TRAK1: variants seen among roughly 807,000 people sequenced by gnomAD.
TRAK1 encodes the protein trafficking kinesin-binding protein 1.
TRAK1 carries 33 observed loss-of-function variants against 92.1 expected under a neutral mutation model. That is an observed-to-expected ratio of 0.36 (90% CI 0.27 to 0.48). TRAK1 has a LOEUF of 0.48. Ranked by LOEUF, TRAK1 falls within the 20% of genes least tolerant of loss-of-function variation. The pLI is 0.99. For synonymous variants in TRAK1, 521 were observed against 517.3 expected (o/e 1.01, Z -0.10); for missense variants, 1,123 against 1,257.9 (o/e 0.89, Z 1.62).
At chr3:42,065,714 C>T (rs1043925385) in intron 1 of TRAK1, among the ~76,000 whole-genome samples, 33 of 152,044 alleles carry the variant, frequency 2.2e-4, no homozygotes, top group African/African-American at 7.5e-4. Context: ...ACTACAGCCT[C>T]GACCTCCTGG....
chr3:42,161,752 G>T (rs1227395695), intron 2 of TRAK1, among the ~76,000 whole-genome samples: 5 of 152,224 alleles, frequency 3.3e-5, no homozygotes, highest in Admixed American at 6.5e-5. Context: ...GAGAAGCCAG[G>T]GGAGGGTGAG....
intron 1 of TRAK1, among the ~76,000 whole-genome samples, chr3:42,069,255 A>G (rs1352423891): frequency 6.6e-6 from 1 of 151,500 alleles, no homozygotes; most frequent in Non-Finnish European, 1.5e-5. Flanking sequence ...CGGGAGGTCA[A>G]GGCTGCAGTG....
At chr3:42,188,569 A>G (rs920169304) in intron 5 of TRAK1, among the ~76,000 whole-genome samples, 4 of 152,230 alleles carry the variant, frequency 2.6e-5, no homozygotes, top group African/African-American at 9.6e-5. Context: ...GGCTGGTTGC[A>G]GATCTTGGCT....
At chr3:42,022,369 G>A (rs1201726360) in intron 1 of TRAK1, among the ~76,000 whole-genome samples, 1 of 152,170 alleles carries the variant, frequency 6.6e-6, no homozygotes, top group African/African-American at 2.4e-5. Flanking sequence ...AGACTAAAAC[G>A]TTGACTGCTG....
chr3:42,149,512 C>G (rs1699712561), intron 2 of TRAK1: 1 of 1,536,134 alleles, frequency 6.5e-7, no homozygotes, highest in Non-Finnish European at 8.7e-7. Context: ...GAAGTCCATT[C>G]TTTCCTCTGC....
intron 2 of TRAK1, among the ~76,000 whole-genome samples, chr3:42,166,880 G>A (rs1220591637): frequency 1.3e-5 from 2 of 152,206 alleles, no homozygotes; most frequent in Non-Finnish European, 2.9e-5. Context: ...ACAGACATGG[G>A]TAATGGCTGT....
In TRAK1 at chr3:42,223,650, A is replaced by G. The variant is rs763166847; in HGVS notation, c.2775A>G (p.Gly925=). Residue 925 remains glycine, a synonymous_variant, in exon 16 of 16, where the codon GGA becomes GGG. Transcript: ENST00000327628. The surrounding 1 kb of genome is among the most constrained non-coding windows in gnomAD (Gnocchi z 6.1). ...ATCGCAGCTTCCCCACCATGGTGGG[A>G]TCTAGCATGCAGATGAAAGCTCCTG... ...RRNRSFPTMV[G]SSMQMKAPVT... 4 of 1,614,060 alleles carry G rather than the reference A, an allele frequency of 2.5e-6. No individual in the cohort carries two copies. The highest frequency in any genetic ancestry group is 3.4e-6 in the Non-Finnish European group (4 of 1,180,000).
upstream of TRAK1, among the ~76,000 whole-genome samples, chr3:42,090,720 A>G (rs553068226): frequency 6.6e-6 from 1 of 152,254 alleles, no homozygotes; most frequent in Admixed American, 6.5e-5. Flanking sequence ...AAAACACAAC[A>G]AAGAAGTGGC....
rs769457996 is a variant in TRAK1, at chr3:42,223,401, C to A, written c.2526C>A (p.Asn842Lys). The A allele has an allele frequency of 6.2e-7, 1 of 1,614,210 alleles. No individual in the cohort carries two copies. Among genetic ancestry groups the A allele is most frequent in the African/African-American group, 1.3e-5 (1 of 75,080 alleles). Residue 842 changes from asparagine to lysine, a missense_variant, in exon 16 of 16, where the codon AAC (asparagine) becomes AAA (lysine). Asn to Lys is a moderately conservative substitution (Grantham distance 94). Around this residue, in one of 3 missense-constraint regions of TRAK1, gnomAD observed 401 missense variants for 438.9 expected, o/e 0.91. Transcript: ENST00000327628. The surrounding 1 kb of genome is among the most constrained non-coding windows in gnomAD (Gnocchi z 6.1). The part of the protein sequence containing the change: ...SQTDVSVSNL[N>K]LVDKVRRFGV... The stretch of plus-strand genomic sequence containing the variant: ...CCGACGTGTCCGTCTCCAACCTCAA[C>A]CTCGTGGACAAAGTCAGGAGGTTTG...
In TRAK1 at chr3:42,209,859, C is replaced by A; in HGVS notation, c.1837C>A (p.Arg613=). The change falls in exon 14 of 16, where the codon CGG becomes AGG. Residue 613 remains arginine, a synonymous_variant. Coordinates refer to ENST00000327628, the MANE Select transcript of TRAK1 (RefSeq NM_001042646.3). The part of the protein sequence containing the change: ...PRPGVVTKGF[R]TLDVDLDEVY... ...GCCCGGTGTGGTCACCAAGGGCTTC[C>A]GGACGCTGGATGTTGACCTGGACGA... 6.2e-7 allele frequency: 1 copy of A among 1,614,212 alleles called. No individual in the cohort carries two copies. Among genetic ancestry groups the A allele is most frequent in the Admixed American group, 1.7e-5 (1 of 60,020 alleles).
At chr3:42,143,520 G>A (rs1226048307) in intron 2 of TRAK1, among the ~76,000 whole-genome samples, 1 of 152,106 alleles carries the variant, frequency 6.6e-6, no homozygotes, top group Non-Finnish European at 1.5e-5. Flanking sequence ...TAGGTCGCAG[G>A]GGTCTGAGGA....
chr3:42,092,772 T>TGTTATG (rs1559754457), intron 1 of TRAK1, among the ~76,000 whole-genome samples: 1 of 151,832 alleles, frequency 6.6e-6, no homozygotes, highest in African/African-American at 2.4e-5. Context: ...TGTTATGTTA[T>TGTTATG]TTCGTGACTC....
At chr3:42,191,906 T>TTTTTTTTTTG (rs1705804954) in intron 7 of TRAK1, among the ~76,000 whole-genome samples, 1 of 133,492 alleles carries the variant, frequency 7.5e-6, no homozygotes, top group Non-Finnish European at 1.6e-5. Flanking sequence ...TTTTTTTTTT[T>TTTTTTTTTTG]TTTTTTTTTT....
At chr3:42,197,036 ACACG>A (rs1706812027) in intron 10 of TRAK1, among the ~76,000 whole-genome samples, 1 of 147,100 alleles carries the variant, frequency 6.8e-6, no homozygotes, top group South Asian at 2.3e-4. Context: ...ACACACACAC[ACACG>A]TTGTTATATT....
intron 2 of TRAK1, chr3:42,151,312 A>C (rs1009977737): frequency 2.2e-5 from 10 of 456,362 alleles, no homozygotes; most frequent in Non-Finnish European, 4.0e-5. Context: ...CTGGGTATCC[A>C]TCAGAAGGAT....
At chr3:42,219,066 TC>T in intron 14 of TRAK1, 6 of 985,386 alleles carry the variant, frequency 6.1e-6, no homozygotes, top group Non-Finnish European at 7.2e-6. Context: ...CCTGTACTTC[TC>T]CCCTTCCTCT....
At chr3:42,115,548 G>C (rs1188953609) in intron 1 of TRAK1, among the ~76,000 whole-genome samples, 1 of 152,188 alleles carries the variant, frequency 6.6e-6, no homozygotes, top group Non-Finnish European at 1.5e-5. Flanking sequence ...CGTGACACCA[G>C]GCTATGTGGA....
intron 1 of TRAK1, among the ~76,000 whole-genome samples, chr3:42,071,029 C>T (rs1311747068): frequency 6.6e-6 from 1 of 152,198 alleles, no homozygotes; most frequent in Non-Finnish European, 1.5e-5. Flanking sequence ...TTGTGGGCCT[C>T]ATGGGCTGCT....
At chr3:42,193,950 A>T (rs377448743) in intron 9 of TRAK1, 52 bp downstream of exon 9, 16 of 1,544,906 alleles carry the variant, frequency 1.0e-5, no homozygotes, top group Non-Finnish European at 1.3e-5. Flanking sequence ...GCCAAGGTGG[A>T]TTAGCCTTCC....
Sources: gnomAD v4.1 joint callset for allele counts (sites outside exome capture counted in the v4.1 genomes callset) on GRCh38, gnomAD v4.1.1 for gene constraint, gnomAD v4.1.1 regional missense constraint, Gnocchi (gnomAD v3.1) non-coding constraint, MANE v1.5 for transcripts, NCBI Gene and HGNC (gene_info 2026-07-23, HGNC 2026-07-21) for gene names.